Variants in HLA-DRA observed in about 807,000 individuals in gnomAD.
The protein encoded by HLA-DRA is major histocompatibility complex, class II, DR alpha, also known as HLA class II histocompatibility antigen, DR alpha chain.
A neutral mutation model predicts 22.1 loss-of-function variants in HLA-DRA; 8 were observed. That is an observed-to-expected ratio of 0.36 (90% CI 0.21 to 0.65). The LOEUF is 0.65. Among genes scored for constraint, HLA-DRA ranks in the 30% least tolerant of loss-of-function variants. The pLI is 0.63. For missense variants in HLA-DRA, 248 were observed against 321.3 expected (o/e 0.77, Z 1.74); for synonymous variants, 101 against 117.1 (o/e 0.86, Z 0.89).
intron 1 of HLA-DRA, 41 bp from the exon 2 acceptor site, chr6:32,442,407 T>TC (rs1762675176): frequency 1.2e-6 from 2 of 1,610,656 alleles, no homozygotes; most frequent in African/African-American, 1.3e-5. Flanking sequence ...CTCTCTTGAT[T>TC]CCCCCCACCC....
chr6:32,441,877 G>A (rs1762642216), intron 1 of HLA-DRA, among the ~76,000 whole-genome samples: 1 of 152,158 alleles, frequency 6.6e-6, no homozygotes, highest in Non-Finnish European at 1.5e-5. Context: ...AACCACAGCA[G>A]GGCTACATAA....
chr6:32,442,155 A>G (rs774422621), intron 1 of HLA-DRA, among the ~76,000 whole-genome samples: 5 of 152,188 alleles, frequency 3.3e-5, no homozygotes, highest in Non-Finnish European at 7.3e-5. Flanking sequence ...TTTCTCAGCT[A>G]GTAACATGGA....
Position 32,445,003 on chromosome 6 carries a change from A to AT in HLA-DRA, c.*368dup, listed in dbSNP as rs1762841944. ...TTGTTTAAGGTTTCCTCAAACTGTGATTTTTCTGAACACAATAAACTATTT... is the reference window on the plus strand; with the variant it reads ...TTGTTTAAGGTTTCCTCAAACTGTGATTTTTTCTGAACACAATAAACTATTT... On this transcript the variant is annotated 3_prime_UTR_variant, in exon 5 of 5. Transcript: ENST00000395388. 1.5e-5 allele frequency: 2 copies of AT among 135,834 alleles called. No individual in the cohort carries two copies. The highest frequency in any genetic ancestry group is 8.2e-5 in the Admixed American group (1 of 12,148). 8.4% of individuals were successfully genotyped at this position (135,834 alleles called of 1,614,324 possible).
At position 32,443,250 on chromosome 6, in the gene HLA-DRA, T is replaced by C; in HGVS notation, c.394T>C (p.Cys132Arg). The C allele has an allele frequency of 6.2e-7, 1 of 1,612,960 alleles. No homozygotes were observed. ...VELREPNVLI[C>R]FIDKFTPPVV... ...ACTGAGAGAGCCCAACGTCCTCATC[T>C]GTTTCATAGACAAGTTCACCCCACC... Residue 132 changes from cysteine to arginine, a missense_variant, in exon 3 of 5, where the codon TGT becomes CGT. Coordinates refer to ENST00000395388, the MANE Select transcript of HLA-DRA (RefSeq NM_019111.5).
At chr6:32,442,318 C>G in intron 1 of HLA-DRA, 130 bp from the exon 2 acceptor site, 1 of 1,094,818 alleles carries the variant, frequency 9.1e-7, no homozygotes, top group South Asian at 1.4e-5. Flanking sequence ...CATCCCTACT[C>G]GCCATCATTC....
chr6:32,442,342 G>A (rs1762670553), intron 1 of HLA-DRA, 106 bp from the exon 2 acceptor site: 4 of 1,326,408 alleles, frequency 3.0e-6, no homozygotes, highest in Non-Finnish European at 4.3e-6. Context: ...CATTCCTCTT[G>A]GCCCAATCTC....
Position 32,443,930 on chromosome 6 carries a change from G to A in HLA-DRA, c.*11+9G>A. On this transcript the variant is annotated intron_variant, in intron 4 of 4. Coordinates refer to ENST00000395388, the MANE Select transcript of HLA-DRA (RefSeq NM_019111.5). Reference sequence around the variant, plus strand: ...CTGTAAGGCACATGGAGGTGAGTTAGGTGTGGTCAGAGGAAGACGTATATG... The same window carrying A: ...CTGTAAGGCACATGGAGGTGAGTTAAGTGTGGTCAGAGGAAGACGTATATG... The A allele has an allele frequency of 6.4e-7, 1 of 1,563,950 alleles. No individual in the cohort carries two copies. Among genetic ancestry groups the A allele is most frequent in the Non-Finnish European group, 8.6e-7 (1 of 1,157,016 alleles).
At chr6:32,443,686 C>T (rs1470099527) in intron 3 of HLA-DRA, 70 bp from the exon 4 acceptor site, 7 of 1,389,300 alleles carry the variant, frequency 5.0e-6, no homozygotes, top group East Asian at 2.3e-5. Context: ...TATTAAGAAC[C>T]CTACATTTGA....
At chr6:32,442,983 T>G in intron 2 of HLA-DRA, among the ~76,000 whole-genome samples, 1 of 152,178 alleles carries the variant, frequency 6.6e-6, no homozygotes, top group Non-Finnish European at 1.5e-5. Context: ...TACCTCAATA[T>G]TGGCTCAATT....
At chr6:32,442,313 C>G (rs1284207044) in intron 1 of HLA-DRA, 135 bp from the exon 2 acceptor site, 6 of 1,055,270 alleles carry the variant, frequency 5.7e-6, no homozygotes, top group Non-Finnish European at 8.5e-6. Context: ...TCACTCATCC[C>G]TACTCGCCAT....
At chr6:32,443,150 G>C in intron 2 of HLA-DRA, 35 bp from the exon 3 acceptor site, 2 of 1,588,748 alleles carry the variant, frequency 1.3e-6, no homozygotes, top group Non-Finnish European at 1.7e-6. Flanking sequence ...AGCAGTGATG[G>C]CTGATTTCTG....
chr6:32,443,132 T>A, intron 2 of HLA-DRA, 53 bp from the exon 3 acceptor site: 1 of 1,493,216 alleles, frequency 6.7e-7, no homozygotes, highest in Non-Finnish European at 9.3e-7. Flanking sequence ...GGGAGAGGGG[T>A]GAGCCTAAGC....
Position 32,443,234 on chromosome 6 carries a change from G to C in HLA-DRA, c.378G>C (p.Glu126Asp), listed in dbSNP as rs1223455328. ...VLTNSPVELREPNVLICFIDK... is the reference protein window; with the variant it reads ...VLTNSPVELRDPNVLICFIDK... ...CAAACAGCCCTGTGGAACTGAGAGA[G>C]CCCAACGTCCTCATCTGTTTCATAG... The change falls in exon 3 of 5, where the codon GAG becomes GAC. Residue 126 changes from glutamate to aspartate, a missense_variant. Glu to Asp is a conservative substitution (Grantham distance 45). Coordinates refer to ENST00000395388, the MANE Select transcript of HLA-DRA (RefSeq NM_019111.5). 1 of 1,612,836 alleles carries C rather than the reference G, an allele frequency of 6.2e-7. No individual in the cohort carries two copies. Among genetic ancestry groups the C allele is most frequent in the Non-Finnish European group, 8.5e-7 (1 of 1,179,840 alleles).
At chr6:32,442,311 CCCTACTCG>C in intron 1 of HLA-DRA, 129 bp from the exon 2 acceptor site, 1 of 1,026,902 alleles carries the variant, frequency 9.7e-7, no homozygotes, top group South Asian at 1.5e-5. Flanking sequence ...TGTCACTCAT[CCCTACTCG>C]CCATCATTCT....
intron 1 of HLA-DRA, among the ~76,000 whole-genome samples, chr6:32,440,916 A>C (rs1338849694): frequency 6.6e-6 from 1 of 152,202 alleles, no homozygotes; most frequent in Admixed American, 6.5e-5. Flanking sequence ...CTATTGCCCC[A>C]AAAGAGCCAT....
At chr6:32,442,208 A>G (rs1324192938) in intron 1 of HLA-DRA, among the ~76,000 whole-genome samples, 1 of 151,944 alleles carries the variant, frequency 6.6e-6, no homozygotes, top group Non-Finnish European at 1.5e-5. Flanking sequence ...TTTAGCCCTC[A>G]TCTCCTTCAA....
At position 32,443,396 on chromosome 6, in the gene HLA-DRA, C is replaced by G. The variant is rs1762739521; in HGVS notation, c.540C>G (p.Pro180=). Residue 180 remains proline, a synonymous_variant, in exon 3 of 5, where the codon CCC becomes CCG. Coordinates refer to ENST00000395388, the MANE Select transcript of HLA-DRA (RefSeq NM_019111.5). ...FRKFHYLPFL[P]STEDVYDCRV... ...AGTTCCACTATCTCCCCTTCCTGCC[C>G]TCAACTGAGGACGTTTACGACTGCA... The G allele has an allele frequency of 6.2e-7, 1 of 1,612,862 alleles. No individual in the cohort carries two copies. The highest frequency in any genetic ancestry group is 1.3e-5 in the African/African-American group (1 of 74,916).
At position 32,440,008 on chromosome 6, in the gene HLA-DRA, G is replaced by T. The variant is rs142154804; in HGVS notation, c.58G>T (p.Ala20Ser). 1 of 1,613,916 alleles carries T rather than the reference G, an allele frequency of 6.2e-7. No individual in the cohort carries two copies. Among genetic ancestry groups the T allele is most frequent in the Admixed American group, 1.7e-5 (1 of 60,000 alleles). Residue 20 changes from alanine (A) to serine (S), a missense_variant, in exon 1 of 5, where the codon GCT becomes TCT. By Grantham distance (99) the Ala-to-Ser change is moderately conservative (BLOSUM62 1). Coordinates refer to ENST00000395388, the MANE Select transcript of HLA-DRA (RefSeq NM_019111.5). The part of the protein sequence containing the change: ...GFFIIAVLMS[A>S]QESWAIKEEH... Reference sequence around the variant, plus strand: ...TTTCATCATAGCTGTGCTGATGAGCGCTCAGGAATCATGGGCTATCAAAGG... The same window carrying T: ...TTTCATCATAGCTGTGCTGATGAGCTCTCAGGAATCATGGGCTATCAAAGG...
At chr6:32,443,634 T>G in intron 3 of HLA-DRA, 122 bp from the exon 4 acceptor site, 1 of 1,172,184 alleles carries the variant, frequency 8.5e-7, no homozygotes, top group Non-Finnish European at 1.2e-6. Context: ...CAATACATCA[T>G]TCTGTCTTCC....
Sources: allele counts gnomAD v4.1 joint callset (sites outside exome capture counted in the v4.1 genomes callset), GRCh38; gene constraint gnomAD v4.1.1; transcripts MANE v1.5; gene names NCBI Gene and HGNC (gene_info 2026-07-23, HGNC 2026-07-21).